The following DCDC2C variants were observed in gnomAD, a reference collection of about 807,000 sequenced individuals.
DCDC2C encodes the protein doublecortin domain-containing protein 2C.
In DCDC2C, 44 loss-of-function variants were observed where a neutral mutation model predicts 45.0. The ratio of observed to expected loss-of-function variants is 0.98; its 90% CI spans 0.77 to 1.26. DCDC2C has a LOEUF of 1.26. Ranked by LOEUF, DCDC2C falls within the 50% of genes most tolerant of loss-of-function variation. DCDC2C has a pLI of 0.00. For missense variants in DCDC2C, 447 were observed against 468.9 expected, an observed-to-expected ratio of 0.95 and a Z score of 0.43; for synonymous variants, 187 against 178.8, an observed-to-expected ratio of 1.05 and a Z score of -0.37.
chr2:3,835,682 G>C (rs1672059764), intron 10 of DCDC2C, among the ~76,000 whole-genome samples: 1 of 152,202 alleles, frequency 6.6e-6, no homozygotes, highest in Non-Finnish European at 1.5e-5. Context: ...CAGTGAAACT[G>C]TGCAGGTCAT....
chr2:3,781,969 T>C (rs971641619), intron 9 of DCDC2C, among the ~76,000 whole-genome samples: 3 of 152,238 alleles, frequency 2.0e-5, no homozygotes, highest in African/African-American at 4.8e-5. Context: ...TGTGGTAACA[T>C]ATAAATACAA....
chr2:3,792,502 C>G (rs1322797151), intron 10 of DCDC2C, among the ~76,000 whole-genome samples: 3 of 152,092 alleles, frequency 2.0e-5, no homozygotes, highest in Non-Finnish European at 2.9e-5. Context: ...CTCTCTGTAA[C>G]TTTTAAGATA....
At chr2:3,803,839 G>A (rs574523796) in intron 10 of DCDC2C, among the ~76,000 whole-genome samples, 8 of 152,312 alleles carry the variant, frequency 5.3e-5, no homozygotes, top group African/African-American at 1.9e-4. Context: ...AGCACTGGCT[G>A]GTGCAGGTCA....
At chr2:3,830,501 A>G (rs1398831557) in intron 10 of DCDC2C, among the ~76,000 whole-genome samples, 2 of 152,220 alleles carry the variant, frequency 1.3e-5, no homozygotes, top group Non-Finnish European at 2.9e-5. Flanking sequence ...CTCATTGGTA[A>G]GATGAGGCCA....
intron 2 of DCDC2C, among the ~76,000 whole-genome samples, chr2:3,725,254 T>C (rs866412559): frequency 6.6e-6 from 1 of 152,080 alleles, no homozygotes; most frequent in African/African-American, 2.4e-5. Context: ...GCGCTGGGCC[T>C]TGGAAGGGCA....
intron 10 of DCDC2C, among the ~76,000 whole-genome samples, chr2:3,830,768 C>G (rs191327818): frequency 1.8e-4 from 28 of 152,348 alleles, no homozygotes; most frequent in African/African-American, 6.7e-4. Flanking sequence ...AATACAGACT[C>G]TTCGCCTTCA....
chr2:3,707,363 A>G (rs1282461416), intron 1 of DCDC2C, among the ~76,000 whole-genome samples: 1 of 152,220 alleles, frequency 6.6e-6, no homozygotes, highest in East Asian at 1.9e-4. Flanking sequence ...ATAAACAAAT[A>G]TGGAATTTGG....
intron 2 of DCDC2C, among the ~76,000 whole-genome samples, chr2:3,715,549 A>G (rs1427026919): frequency 6.6e-6 from 1 of 150,494 alleles, no homozygotes; most frequent in Non-Finnish European, 1.5e-5. Context: ...TTATGCATGT[A>G]TTCTGCTCAT....
At chr2:3,740,007 G>T (rs1669157026) in intron 3 of DCDC2C, among the ~76,000 whole-genome samples, 1 of 152,232 alleles carries the variant, frequency 6.6e-6, no homozygotes, top group African/African-American at 2.4e-5. Context: ...TGCACGCTCT[G>T]CGAGGGGGAC....
chr2:3,746,926 G>C (rs1322032739), intron 4 of DCDC2C, among the ~76,000 whole-genome samples: 1 of 152,122 alleles, frequency 6.6e-6, no homozygotes, highest in African/African-American at 2.4e-5. Context: ...GTTCTGGGGT[G>C]GGGGGACTGT....
At chr2:3,840,180 G>A (rs547652352) in intron 10 of DCDC2C, among the ~76,000 whole-genome samples, 3 of 152,142 alleles carry the variant, frequency 2.0e-5, no homozygotes, top group Non-Finnish European at 4.4e-5. Flanking sequence ...TACTTTTACT[G>A]CTATTTACTA....
chr2:3,737,874 A>G (rs1669076040), intron 3 of DCDC2C, among the ~76,000 whole-genome samples: 4 of 152,130 alleles, frequency 2.6e-5, no homozygotes, highest in Admixed American at 2.6e-4. Flanking sequence ...AAAATGTTTT[A>G]TTTTCCTCCT....
At chr2:3,707,803 T>C (rs7585780) in intron 1 of DCDC2C, among the ~76,000 whole-genome samples, 1,910 of 152,338 alleles carry the variant, frequency 0.013, 35 homozygotes, top group African/African-American at 0.043. Context: ...GACTCTTTAT[T>C]GAACACTTAG....
intron 10 of DCDC2C, among the ~76,000 whole-genome samples, chr2:3,808,173 C>T (rs1671301965): frequency 6.6e-6 from 1 of 152,204 alleles, no homozygotes; most frequent in African/African-American, 2.4e-5. Context: ...TTCAGGTGAT[C>T]TGCAGCCTCA....
intron 4 of DCDC2C, 56 bp downstream of exon 4, chr2:3,742,104 T>G: frequency 1.4e-6 from 2 of 1,462,906 alleles, no homozygotes; most frequent in Non-Finnish European, 1.8e-6. Flanking sequence ...TGTTTATTCT[T>G]TCTATGAGAG....
At chr2:3,828,469 T>A (rs888897218) in intron 10 of DCDC2C, among the ~76,000 whole-genome samples, 3 of 152,090 alleles carry the variant, frequency 2.0e-5, no homozygotes, top group African/African-American at 7.3e-5. Context: ...TGTTTCCAAG[T>A]GCCCAGCAAC....
At chr2:3,829,551 G>A (rs145923481) in intron 10 of DCDC2C, among the ~76,000 whole-genome samples, 3 of 152,114 alleles carry the variant, frequency 2.0e-5, no homozygotes, top group South Asian at 2.1e-4. Context: ...CGTGCTGCGC[G>A]GTTCCTATAA....
At position 3,779,006 on chromosome 2, in the gene DCDC2C, C is replaced by T. The variant is rs532332458; in HGVS notation, c.1023+122C>T. ...AAGTCGCTTCCAAAACACAAGCCAG[C>T]GCGGAATCGGAAGCGAGTGCATTTC... On this transcript the variant is annotated intron_variant, in intron 9 of 10. Transcript: ENST00000399143. 237 of 985,338 alleles carry T rather than the reference C, an allele frequency of 2.4e-4. 5 individuals are homozygous for T. The South Asian group carries it at 3.6e-3, about 15-fold the overall frequency. The allele number at this position is 985,338 out of a possible 1,614,324, so 61.0% of individuals were successfully genotyped here.
Position 3,723,046 on chromosome 2 carries a change from C to A in DCDC2C, c.340-3957C>A, listed in dbSNP as rs1668540265. Among the ~76,000 whole-genome samples, 6 of 152,226 alleles carry A rather than the reference C, an allele frequency of 3.9e-5. No homozygotes were observed. In the South Asian group the frequency reaches 1.2e-3, roughly 32 times the overall value. On this transcript the variant is annotated intron_variant, in intron 2 of 10. Coordinates refer to ENST00000399143, the MANE Select transcript of DCDC2C (RefSeq NM_001287444.2). ...GTAGAATGGATGCAGGTGTGCATTT[C>A]CACCTTCTTCCATGGCCTCTCTTTT...
Sources: gnomAD v4.1 joint callset for allele counts (sites outside exome capture counted in the v4.1 genomes callset) on GRCh38, gnomAD v4.1.1 for gene constraint, MANE v1.5 for transcripts, NCBI Gene and HGNC (gene_info 2026-07-23, HGNC 2026-07-21) for gene names.